The following NOTCH2 variants were observed in gnomAD, a reference collection of about 807,000 sequenced individuals.
NOTCH2 encodes the protein notch receptor 2.
In NOTCH2, 29 loss-of-function variants were observed where a neutral mutation model predicts 235.8. That is an observed-to-expected ratio of 0.12 (90% CI 0.09 to 0.17). The LOEUF (loss-of-function observed/expected upper bound fraction) is 0.17. Among genes scored for constraint, NOTCH2 ranks in the 10% least tolerant of loss-of-function variants. The pLI, the probability that NOTCH2 is intolerant of heterozygous loss-of-function variation, is 1.00. For synonymous variants in NOTCH2, 1,086 were observed against 1,141.5 expected (o/e 0.95, Z 0.98); for missense variants, 2,285 against 3,150.2 (o/e 0.73, Z 6.57).
chr1:119,941,456 G>C, intron 18 of NOTCH2, 70 bp downstream of exon 18: 2 of 1,085,278 alleles, frequency 1.8e-6, no homozygotes, highest in Middle Eastern at 2.8e-4. Flanking sequence ...CTAGCATTGT[G>C]CTCTGAAATT....
chr1:120,006,845 T>C (rs1181658650), intron 2 of NOTCH2, among the ~76,000 whole-genome samples: 1 of 152,212 alleles, frequency 6.6e-6, no homozygotes, highest in African/African-American at 2.4e-5. Flanking sequence ...GCTTTTGTCT[T>C]TGACAGTCAT....
In NOTCH2 at chr1:119,923,677, G is replaced by T. The variant is rs761870508; in HGVS notation, c.4819C>A (p.Arg1607Ser). 4.3e-6 allele frequency: 7 copies of T among 1,614,040 alleles called. No individual in the cohort carries two copies. In the South Asian group the frequency reaches 4.4e-5, roughly 10 times the overall value. ...TCTTGTTCACCAGGAAGGGATCTGCGTGTCATCCTCTGTTTCTTCATAGCA... is the reference window on the plus strand; with the variant it reads ...TCTTGTTCACCAGGAAGGGATCTGCTTGTCATCCTCTGTTTCTTCATAGCA... ...SAAMKKQRMT[R>S]RSLPGEQEQE... The change falls in exon 26 of 34, where the codon CGC (arginine) becomes AGC (serine). Residue 1607 changes from arginine (R) to serine (S), a missense_variant. Arg to Ser is a moderately radical substitution (Grantham distance 110, BLOSUM62 -1). Transcript: ENST00000256646.
At chr1:119,989,035 A>G (rs1553202546) in intron 4 of NOTCH2, among the ~76,000 whole-genome samples, 1 of 152,174 alleles carries the variant, frequency 6.6e-6, no homozygotes, top group Admixed American at 6.5e-5. Context: ...TTCCCTGTCA[A>G]TAGGTAGATA....
chr1:119,921,378 G>A (rs7523642), intron 29 of NOTCH2, among the ~76,000 whole-genome samples: 3,760 of 152,240 alleles, frequency 0.025, 152 homozygotes, highest in African/African-American at 0.086. Context: ...TAGAAGAAGT[G>A]CCCATAAAGG....
chr1:120,040,027 A>AT (rs1429107101), intron 1 of NOTCH2, among the ~76,000 whole-genome samples: 1 of 49,266 alleles, frequency 2.0e-5, no homozygotes, highest in Non-Finnish European at 4.5e-5. Flanking sequence ...GGGAAAATCC[A>AT]AAGAACAACC....
intron 6 of NOTCH2, 108 bp from the exon 7 acceptor site, chr1:119,968,340 C>G (rs1177542619): frequency 8.3e-6 from 10 of 1,203,684 alleles, no homozygotes; most frequent in Non-Finnish European, 1.2e-5. Flanking sequence ...TCCTCAGAAT[C>G]CAACATGGAG....
rs146463885 is a variant in NOTCH2 at position 119,919,038 on chromosome 1, T to C, written c.5781+274A>G. ...CTATCACTCTCATCTAATCTACGCA[T>C]TTGGGAGGCATCTTGGCACAACAAA... On this transcript the variant is annotated intron_variant, in intron 31 of 33. Coordinates refer to ENST00000256646, the MANE Select transcript of NOTCH2 (RefSeq NM_024408.4). Among the ~76,000 whole-genome samples the C allele has an allele frequency of 7.3e-4, 111 of 152,328 alleles. 1 individual carries two copies. Among genetic ancestry groups the C allele is most frequent in the Non-Finnish European group, 1.4e-3 (92 of 68,030 alleles).
chr1:119,925,212 G>A (rs778330383), intron 25 of NOTCH2, 93 bp downstream of exon 25: 1 of 1,517,184 alleles, frequency 6.6e-7, no homozygotes, highest in Non-Finnish European at 9.1e-7. Context: ...AGGCAGCTTA[G>A]GCTGAAGCAC....
rs1321300597 is a variant in NOTCH2 at position 119,919,433 on chromosome 1, T to G, written c.5660A>C (p.Tyr1887Ser). Residue 1887 changes from tyrosine to serine, a missense_variant, in exon 31 of 34, where the codon TAC becomes TCC. Coordinates refer to ENST00000256646, the MANE Select transcript of NOTCH2 (RefSeq NM_024408.4). ...ACGCTTGGCAGCATCAGCCCGTGAG[T>G]AGCGGGCTGCAAGGTGCAGGGCCAT... ...GEMALHLAAR[Y>S]SRADAAKRLL... The G allele has an allele frequency of 6.2e-7, 1 of 1,613,794 alleles. No homozygotes were observed.
At chr1:119,937,804 C>G in intron 20 of NOTCH2, 53 bp downstream of exon 20, 1 of 1,604,086 alleles carries the variant, frequency 6.2e-7, no homozygotes, top group Non-Finnish European at 8.5e-7. Context: ...CTAAATGCCA[C>G]TGGACAGTCA....
chr1:119,943,731 A>G (rs1650151213), intron 17 of NOTCH2, among the ~76,000 whole-genome samples: 1 of 152,236 alleles, frequency 6.6e-6, no homozygotes, highest in Admixed American at 6.5e-5. Flanking sequence ...AAATATGAAC[A>G]GAAACATACT....
At chr1:120,068,844 C>T (rs1553217590) in intron 1 of NOTCH2, 1 of 500,084 alleles carries the variant, frequency 2.0e-6, no homozygotes, top group Non-Finnish European at 3.7e-6. Flanking sequence ...ACACCCGGCC[C>T]ATGTGCCGCC....
intron 1 of NOTCH2, among the ~76,000 whole-genome samples, chr1:120,063,152 T>C (rs1489207550): frequency 2.0e-5 from 3 of 151,778 alleles, no homozygotes; most frequent in Admixed American, 6.6e-5. Context: ...AGCAATCCTG[T>C]GCCCCTTCTT....
At chr1:119,929,293 A>G in intron 22 of NOTCH2, 81 bp from the exon 23 acceptor site, 1 of 1,137,438 alleles carries the variant, frequency 8.8e-7, no homozygotes, top group Non-Finnish European at 1.3e-6. Flanking sequence ...CCTTGTTGGC[A>G]TTTTCACAAT....
intron 3 of NOTCH2, among the ~76,000 whole-genome samples, chr1:119,999,683 A>G (rs1324823122): frequency 6.6e-6 from 1 of 151,972 alleles, no homozygotes; most frequent in Non-Finnish European, 1.5e-5. Context: ...GGAGTTTGAG[A>G]CCAGCCTGGC....
chr1:119,918,231 C>T (rs1649155599), intron 32 of NOTCH2, among the ~76,000 whole-genome samples, 175 bp downstream of exon 32: 1 of 152,156 alleles, frequency 6.6e-6, no homozygotes, highest in Admixed American at 6.5e-5. Flanking sequence ...TAGGGATCTC[C>T]TACTGGCTTG....
intron 11 of NOTCH2, among the ~76,000 whole-genome samples, chr1:119,960,198 T>C (rs1650880045): frequency 6.6e-6 from 1 of 152,120 alleles, no homozygotes; most frequent in South Asian, 2.1e-4. Flanking sequence ...GAAAAGCAAA[T>C]TGACAGTATT....
In NOTCH2 at chr1:120,012,560, G is replaced by C. The variant is rs587696209; in HGVS notation, c.156-6972C>G. Among the ~76,000 whole-genome samples the C allele has an allele frequency of 3.3e-5, 5 of 151,942 alleles. No individual in the cohort carries two copies. In the South Asian group the frequency reaches 1.0e-3, roughly 32 times the overall value. On this transcript the variant is annotated intron_variant, in intron 2 of 33. Coordinates refer to ENST00000256646, the MANE Select transcript of NOTCH2 (RefSeq NM_024408.4). Reference sequence around the variant, plus strand: ...TTGAGTCTTTACTCCAAGTTTCCTTGATTGAGACAACTTTTACATTATACT... The same window carrying C: ...TTGAGTCTTTACTCCAAGTTTCCTTCATTGAGACAACTTTTACATTATACT...
At chr1:119,982,934 A>G (rs1390819808) in intron 5 of NOTCH2, among the ~76,000 whole-genome samples, 10 of 152,200 alleles carry the variant, frequency 6.6e-5, no homozygotes, top group African/African-American at 2.4e-4. Flanking sequence ...GCTAGAACAG[A>G]TGCTTCTACA....
Sources: gnomAD v4.1 joint callset for allele counts (sites outside exome capture counted in the v4.1 genomes callset) on GRCh38, gnomAD v4.1.1 for gene constraint, MANE v1.5 for transcripts, NCBI Gene and HGNC (gene_info 2026-07-23, HGNC 2026-07-21) for gene names.